Variants in CYFIP2 observed in about 807,000 individuals in gnomAD.
CYFIP2 encodes cytoplasmic FMR1-interacting protein 2.
A neutral mutation model predicts 158.7 loss-of-function variants in CYFIP2; 29 were observed. The ratio of observed to expected loss-of-function variants is 0.18; its 90% CI spans 0.14 to 0.25. The LOEUF (loss-of-function observed/expected upper bound fraction) is 0.25, where lower values mean the gene tolerates loss of function less well. CYFIP2 is among the 10% of genes least tolerant of loss of function. The pLI, the probability that CYFIP2 is intolerant of heterozygous loss-of-function variation, is 1.00. For synonymous variants in CYFIP2, 585 were observed against 617.6 expected, an observed-to-expected ratio of 0.95 and a Z score of 0.78; for missense variants, 852 against 1,639.5, an observed-to-expected ratio of 0.52 and a Z score of 8.29.
At chr5:157,267,161 A>G (rs944738052) in intron 1 of CYFIP2, among the ~76,000 whole-genome samples, 4 of 152,214 alleles carry the variant, frequency 2.6e-5, no homozygotes, top group Non-Finnish European at 5.9e-5. Flanking sequence ...TCCCCAGCAC[A>G]GTGGAAACAC....
At chr5:157,391,594 T>C (rs1453113949) in intron 30 of CYFIP2, among the ~76,000 whole-genome samples, 1 of 152,232 alleles carries the variant, frequency 6.6e-6, no homozygotes, top group South Asian at 2.1e-4. Flanking sequence ...GGTTCATCCA[T>C]GTTGTAGTGT....
intron 13 of CYFIP2, 47 bp from the exon 14 acceptor site, chr5:157,319,715 G>A (rs1054334256): frequency 1.2e-6 from 2 of 1,602,982 alleles, no homozygotes; most frequent in Non-Finnish European, 8.5e-7. Flanking sequence ...GTAGACAGCT[G>A]GTGTGCTGGA....
At chr5:157,292,091 C>A (rs947255478) in intron 3 of CYFIP2, among the ~76,000 whole-genome samples, 2 of 152,098 alleles carry the variant, frequency 1.3e-5, no homozygotes, top group Middle Eastern at 3.2e-3. Flanking sequence ...CACTAGTATA[C>A]TTTCTGTTTC....
chr5:157,325,468 C>T lies in CYFIP2; in HGVS notation c.1826-14C>T, dbSNP rs765808616. 2 of 1,595,792 alleles carry T rather than the reference C, an allele frequency of 1.3e-6. No homozygotes were observed. The highest frequency in any genetic ancestry group is 8.5e-7 in the Non-Finnish European group (1 of 1,172,750). ...TCTAAAAGTAACCAAAGGCTCGTTCCCTTATGCTTTCAGAAGCCCTGCAGC... is the reference window on the plus strand; with the variant it reads ...TCTAAAAGTAACCAAAGGCTCGTTCTCTTATGCTTTCAGAAGCCCTGCAGC... On this transcript the variant is annotated splice_polypyrimidine_tract_variant and intron_variant, in intron 16 of 30. Coordinates refer to ENST00000620254, the MANE Select transcript of CYFIP2 (RefSeq NM_001037333.3).
chr5:157,383,339 G>A lies in CYFIP2; in HGVS notation c.3187G>A (p.Glu1063Lys), dbSNP rs769218609. 6 of 1,613,806 alleles carry A rather than the reference G, an allele frequency of 3.7e-6. No individual in the cohort carries two copies. The highest frequency in any genetic ancestry group is 1.1e-5 in the South Asian group (1 of 91,054). Residue 1063 changes from glutamate (E) to lysine (K), a missense_variant, in exon 28 of 31, where the codon GAG becomes AAG. Physicochemically the swap from Glu to Lys is moderately conservative, Grantham distance 56 (BLOSUM62 1). This residue lies in a region of CYFIP2 where 223 missense variants were observed against 381.6 expected (regional missense o/e 0.58). Transcript: ENST00000620254. Reference protein sequence around the residue: ...YAPLHLVPLIERLGTPQQIAI... With the variant: ...YAPLHLVPLIKRLGTPQQIAI... ...CCCGCTCCACCTGGTCCCTCTGATC[G>A]AGCGGCTGGGGACCCCTCAGGTACC... is the stretch of plus-strand genomic sequence containing the variant.
intron 26 of CYFIP2, among the ~76,000 whole-genome samples, chr5:157,369,024 A>C (rs1764725551): frequency 2.0e-5 from 3 of 150,896 alleles, no homozygotes; most frequent in African/African-American, 7.3e-5. Flanking sequence ...TCAGCCTCCC[A>C]AGTAGCTGGG....
intron 26 of CYFIP2, among the ~76,000 whole-genome samples, chr5:157,380,347 A>G (rs750454388): frequency 1.4e-4 from 22 of 152,248 alleles, no homozygotes; most frequent in Non-Finnish European, 2.1e-4. Flanking sequence ...GGAAAGGGCT[A>G]TGATCAATTT....
chr5:157,386,483 A>T (rs146900705), intron 28 of CYFIP2, among the ~76,000 whole-genome samples: 95 of 152,324 alleles, frequency 6.2e-4, no homozygotes, highest in South Asian at 3.5e-3. Flanking sequence ...TCACACAGGT[A>T]GATGCACACG....
In CYFIP2 at chr5:157,300,647, A is replaced by G. The variant is rs534376197; in HGVS notation, c.388-68A>G. ...GAGGGCTGGCTCTGAGGAGGGCCCT[A>G]GAGGAGCCTGGACCCTGCCCCCATA... On this transcript the variant is annotated intron_variant, in intron 5 of 30. Coordinates refer to ENST00000620254, the MANE Select transcript of CYFIP2 (RefSeq NM_001037333.3). The G allele has an allele frequency of 6.2e-6, 8 of 1,289,930 alleles. No homozygotes were observed. In the East Asian group the frequency reaches 2.1e-4, roughly 33 times the overall value. The allele number at this position is 1,289,930 out of a possible 1,614,324, so 79.9% of individuals were successfully genotyped here. A position where few individuals can be genotyped will look rare whatever the true frequency, so the allele number is the denominator to read the frequency against.
rs368509143 is a variant in CYFIP2, at chr5:157,294,865, G to C, written c.285+5G>C. 3 of 1,612,186 alleles carry C rather than the reference G, an allele frequency of 1.9e-6. No homozygotes were observed. The highest frequency in any genetic ancestry group is 2.5e-6 in the Non-Finnish European group (3 of 1,178,682). On this transcript the variant is annotated splice_donor_5th_base_variant and intron_variant, in intron 4 of 30. Coordinates refer to ENST00000620254, the MANE Select transcript of CYFIP2 (RefSeq NM_001037333.3). ...TGTTCCCGGGCCATTCCCCAGGTGA[G>C]ACTGTCCTTGTTGTGTGTCTCTTTC...
chr5:157,345,804 C>T (rs1762643102), intron 23 of CYFIP2: 1 of 152,416 alleles, frequency 6.6e-6, no homozygotes, highest in Admixed American at 6.5e-5. Flanking sequence ...GAGAGGAGCT[C>T]TCATTCCTTT....
rs762316044 is a variant in CYFIP2, at chr5:157,286,552, G to GTGTA, written c.118-466_118-465insGTAT. Among the ~76,000 whole-genome samples the GTGTA allele has an allele frequency of 7.8e-3, 1,074 of 138,120 alleles. 21 individuals carry two copies. Among genetic ancestry groups the GTGTA allele is most frequent in the African/African-American group, 0.028 (1,017 of 36,800 alleles). 90.6% of individuals were successfully genotyped at this position (138,120 alleles called of 152,430 possible). On this transcript the variant is annotated intron_variant, in intron 2 of 30. Transcript: ENST00000620254. ...TCCATTTATGGATATGCTATTTTATGTATATATATATATATATATATATAT... is the reference window on the plus strand; with the variant it reads ...TCCATTTATGGATATGCTATTTTATGTGTATATATATATATATATATATATATAT...
chr5:157,347,236 G>C (rs1487801098), intron 23 of CYFIP2, among the ~76,000 whole-genome samples: 1 of 151,912 alleles, frequency 6.6e-6, no homozygotes, highest in African/African-American at 2.4e-5. Context: ...GGGAGGCTGA[G>C]GTGGGAGGAT....
At chr5:157,366,846 GTT>G (rs1191816757) in intron 26 of CYFIP2, among the ~76,000 whole-genome samples, 1 of 152,196 alleles carries the variant, frequency 6.6e-6, no homozygotes, top group Non-Finnish European at 1.5e-5. Flanking sequence ...CAGTCACTAA[GTT>G]TTTGTTTAAA....
chr5:157,279,983 TC>T (rs1756864959), intron 1 of CYFIP2, among the ~76,000 whole-genome samples: 1 of 152,204 alleles, frequency 6.6e-6, no homozygotes, highest in Non-Finnish European at 1.5e-5. Flanking sequence ...GATTTCCTTC[TC>T]CCTTAGGCAC....
chr5:157,311,855 A>C lies in CYFIP2; in HGVS notation c.1110+74A>C. 7.4e-7 allele frequency: 1 copy of C among 1,346,574 alleles called. No homozygotes were observed. The highest frequency in any genetic ancestry group is 1.0e-6 in the Non-Finnish European group (1 of 965,358). The allele number at this position is 1,346,574 out of a possible 1,614,324, so 83.4% of individuals were successfully genotyped here. A position where few individuals can be genotyped will look rare whatever the true frequency, so the allele number is the denominator to read the frequency against. On this transcript the variant is annotated intron_variant, in intron 11 of 30. Coordinates refer to ENST00000620254, the MANE Select transcript of CYFIP2 (RefSeq NM_001037333.3). This position sits in a 1 kb window ranked among gnomAD's most constrained non-coding sequence, Gnocchi z 4.7. ...AGGGGTAAGGAGCAGCCAGGAAAGA[A>C]CATGGACCCACGGAACACTGGAGAG...
Position 157,361,219 on chromosome 5 carries a change from CTGTGTT to C in CYFIP2, c.2909-243_2909-238del, listed in dbSNP as rs1763793892. On this transcript the variant is annotated intron_variant, in intron 25 of 30. Coordinates refer to ENST00000620254, the MANE Select transcript of CYFIP2 (RefSeq NM_001037333.3). This position sits in a 1 kb window ranked among gnomAD's most constrained non-coding sequence, Gnocchi z 4.4. ...GTCCAATGGTGCCTCATTTGTGTGC[CTGTGTT>C]TGTGTGTGTGTGCATGTGTGTGCGT... is the stretch of plus-strand genomic sequence containing the variant. Among the ~76,000 whole-genome samples, 1 of 151,324 alleles carries C rather than the reference CTGTGTT, an allele frequency of 6.6e-6. No homozygotes were observed. Among genetic ancestry groups the C allele is most frequent in the African/African-American group, 2.5e-5 (1 of 40,740 alleles).
chr5:157,371,118 G>C (rs1764956626), intron 26 of CYFIP2, among the ~76,000 whole-genome samples: 1 of 152,202 alleles, frequency 6.6e-6, no homozygotes, highest in Non-Finnish European at 1.5e-5. Context: ...CAAGGGGAGA[G>C]GGTCATGGTG....
intron 3 of CYFIP2, among the ~76,000 whole-genome samples, chr5:157,293,031 T>C (rs1757956249): frequency 6.6e-6 from 1 of 151,180 alleles, no homozygotes; most frequent in Admixed American, 6.6e-5. Flanking sequence ...TGTATGTATG[T>C]ATGTATGTAT....
Sources: gnomAD v4.1 joint callset for allele counts (sites outside exome capture counted in the v4.1 genomes callset) on GRCh38, gnomAD v4.1.1 for gene constraint, gnomAD v4.1.1 regional missense constraint, Gnocchi (gnomAD v3.1) non-coding constraint, MANE v1.5 for transcripts, NCBI Gene and HGNC (gene_info 2026-07-23, HGNC 2026-07-21) for gene names.